Variants in PMEPA1 observed in about 807,000 individuals in gnomAD.
PMEPA1 encodes prostate transmembrane protein, androgen induced 1, also known as protein TMEPAI.
In PMEPA1, 11 loss-of-function variants were observed where a neutral mutation model predicts 23.0. The ratio of observed to expected loss-of-function variants is 0.48; its 90% CI spans 0.30 to 0.79. The LOEUF is 0.79. Ranked by LOEUF, PMEPA1 falls within the 30% of genes least tolerant of loss-of-function variation. The probability of loss-of-function intolerance (pLI) is 0.06; values close to 1 mark genes in which losing one functional copy is unlikely to be tolerated. For synonymous variants in PMEPA1, 204 were observed against 166.4 expected, an observed-to-expected ratio of 1.23 and a Z score of -1.74; for missense variants, 377 against 390.9, an observed-to-expected ratio of 0.96 and a Z score of 0.30.
chr20:57,669,409 C>A (rs547471952), intron 1 of PMEPA1, among the ~76,000 whole-genome samples: 1 of 152,288 alleles, frequency 6.6e-6, no homozygotes, highest in Admixed American at 6.5e-5. Context: ...GATCCACCCA[C>A]CTCGGCCTCC....
In PMEPA1 at chr20:57,652,114, G is replaced by A. The variant is rs148829733; in HGVS notation, c.803C>T (p.Pro268Leu). 2.8e-3 allele frequency: 4,470 copies of A among 1,582,900 alleles called. 15 individuals are homozygous for A. Among genetic ancestry groups the A allele is most frequent in the Middle Eastern group, 9.7e-3 (58 of 5,998 alleles). ...GTRLHHTHIA[P>L]LESAAIWSKE... ...GCTCCAGATGGCTGCGCTCTCTAGG[G>A]GCGCGATGTGTGTGTGGTGGAGCCG... is the stretch of plus-strand genomic sequence containing the variant. Residue 268 changes from proline (P) to leucine (L), a missense_variant, in exon 4 of 4, where the codon CCC becomes CTC. Physicochemically the swap from Pro to Leu is moderately conservative, Grantham distance 98 (BLOSUM62 -3). Coordinates refer to ENST00000341744, the MANE Select transcript of PMEPA1 (RefSeq NM_020182.5). This position sits in a 1 kb window ranked among gnomAD's most constrained non-coding sequence, Gnocchi z 6.1.
At chr20:57,696,308 C>A (rs59666207) in intron 1 of PMEPA1, among the ~76,000 whole-genome samples, 2 of 152,150 alleles carry the variant, frequency 1.3e-5, no homozygotes, top group East Asian at 3.9e-4. Context: ...TGAGCCTGGG[C>A]GCCCCTGGGG....
At chr20:57,696,510 G>C (rs767461885) in intron 1 of PMEPA1, among the ~76,000 whole-genome samples, 8 of 152,198 alleles carry the variant, frequency 5.3e-5, no homozygotes, top group Non-Finnish European at 1.0e-4. Flanking sequence ...CCATGCGATG[G>C]GGTTGCCATG....
At chr20:57,675,698 C>T (rs142572667) in intron 1 of PMEPA1, among the ~76,000 whole-genome samples, 4 of 152,330 alleles carry the variant, frequency 2.6e-5, no homozygotes, top group South Asian at 4.1e-4. Flanking sequence ...AGGGCGACCT[C>T]GCTAGAGAGG....
intron 2 of PMEPA1, among the ~76,000 whole-genome samples, chr20:57,654,408 G>A (rs1435666367): frequency 6.6e-6 from 1 of 152,102 alleles, no homozygotes; most frequent in African/African-American, 2.4e-5. Flanking sequence ...CCGCTCACCT[G>A]CAGCCTGGGT....
In PMEPA1 at chr20:57,658,990, C is replaced by T. The variant is rs189164311; in HGVS notation, c.264+553G>A. On this transcript the variant is annotated intron_variant, in intron 2 of 3. Transcript: ENST00000341744. ...TGTGCTGCCTGCCCCAGGTGCCTCCCTGCTTTCAGCCTCATCTCTCTAGGT... is the reference window on the plus strand; with the variant it reads ...TGTGCTGCCTGCCCCAGGTGCCTCCTTGCTTTCAGCCTCATCTCTCTAGGT... Among the ~76,000 whole-genome samples the T allele has an allele frequency of 1.4e-3, 210 of 152,346 alleles. 1 individual carries two copies. The highest frequency in any genetic ancestry group is 5.6e-4 in the Non-Finnish European group (38 of 68,018).
At chr20:57,694,209 G>A (rs1439121781) in intron 1 of PMEPA1, among the ~76,000 whole-genome samples, 1 of 152,196 alleles carries the variant, frequency 6.6e-6, no homozygotes, top group Admixed American at 6.5e-5. Context: ...ATCTGTAACT[G>A]CTGATTAAAG....
chr20:57,677,664 T>C (rs1312352877), intron 1 of PMEPA1, among the ~76,000 whole-genome samples: 1 of 152,208 alleles, frequency 6.6e-6, no homozygotes, highest in African/African-American at 2.4e-5. Flanking sequence ...ACCCAGCAAT[T>C]GCACTCCTGG....
intron 1 of PMEPA1, among the ~76,000 whole-genome samples, chr20:57,662,888 G>A (rs1027552623): frequency 3.9e-5 from 6 of 152,204 alleles, no homozygotes; most frequent in African/African-American, 1.4e-4. Context: ...AGACAGCAGT[G>A]AGACGGTAGC....
intron 1 of PMEPA1, among the ~76,000 whole-genome samples, chr20:57,664,713 C>T (rs757902077): frequency 7.9e-5 from 12 of 152,178 alleles, no homozygotes; most frequent in South Asian, 2.1e-4. Context: ...GAAGGCCCAG[C>T]GCGGCCGCAT....
Position 57,681,473 on chromosome 20 carries a change from C to T in PMEPA1, c.110-21776G>A, listed in dbSNP as rs975320217. Among the ~76,000 whole-genome samples the T allele has an allele frequency of 7.2e-5, 11 of 152,282 alleles. No homozygotes were observed. In the South Asian group the frequency reaches 1.9e-3, roughly 26 times the overall value. ...TCTCTAGGGTGTCCCCTGCCTGAGA[C>T]GACCGTGAGGATGGTGTGGCGCTGC... On this transcript the variant is annotated intron_variant, in intron 1 of 3. Coordinates refer to ENST00000341744, the MANE Select transcript of PMEPA1 (RefSeq NM_020182.5).
At position 57,683,769 on chromosome 20, in the gene PMEPA1, G is replaced by GA. The variant is rs1292353380; in HGVS notation, c.110-24073dup. On this transcript the variant is annotated intron_variant, in intron 1 of 3. Transcript: ENST00000341744. This position sits in a 1 kb window ranked among gnomAD's most constrained non-coding sequence, Gnocchi z 4.3. ...AGGCTTCCAGGCTGCCACCAAGAGG[G>GA]AAGGACTAGAGCCCAGCAGCTCTCA... is the stretch of plus-strand genomic sequence containing the variant. Among the ~76,000 whole-genome samples the GA allele has an allele frequency of 6.6e-6, 1 of 151,696 alleles. No homozygotes were observed. The highest frequency in any genetic ancestry group is 1.5e-5 in the Non-Finnish European group (1 of 67,962).
chr20:57,699,487 C>G (rs1026352462), intron 1 of PMEPA1, among the ~76,000 whole-genome samples: 25 of 152,188 alleles, frequency 1.6e-4, no homozygotes, highest in Admixed American at 1.6e-3. Flanking sequence ...TAGAAAGCGG[C>G]TGAGCTATGT....
chr20:57,690,413 A>C lies in PMEPA1; in HGVS notation c.109+19061T>G, dbSNP rs1411887215. ...ACTTACCTCCATGTGCTGGAATTGC[A>C]GGCATTTTGACTTTTCGCCTGTCAT... On this transcript the variant is annotated intron_variant, in intron 1 of 3. Coordinates refer to ENST00000341744, the MANE Select transcript of PMEPA1 (RefSeq NM_020182.5). The C allele has an allele frequency of 4.6e-6, 6 of 1,302,122 alleles. No homozygotes were observed. In the African/African-American group the frequency reaches 9.1e-5, roughly 20 times the overall value. 80.7% of individuals were successfully genotyped at this position (1,302,122 alleles called of 1,614,324 possible). A position where few individuals can be genotyped will look rare whatever the true frequency, so the allele number is the denominator to read the frequency against.
In PMEPA1 at chr20:57,648,540, C is replaced by T. The variant is rs555275312; in HGVS notation, c.*3513G>A. 6.6e-6 allele frequency: 1 copy of T among 152,640 alleles called. No individual in the cohort carries two copies. Among genetic ancestry groups the T allele is most frequent in the African/African-American group, 2.4e-5 (1 of 41,448 alleles). 9.5% of individuals were successfully genotyped at this position (152,640 alleles called of 1,614,324 possible). ...AATACAGAGTCTTACGCAGCGGGGA[C>T]GTGGGTGCGCGCCCCGCATGCCACG... is the stretch of plus-strand genomic sequence containing the variant. On this transcript the variant is annotated 3_prime_UTR_variant, in exon 4 of 4. Coordinates refer to ENST00000341744, the MANE Select transcript of PMEPA1 (RefSeq NM_020182.5).
chr20:57,692,437 CAG>C (rs2071894639), intron 1 of PMEPA1, among the ~76,000 whole-genome samples: 3 of 152,250 alleles, frequency 2.0e-5, no homozygotes. Context: ...GCGGCCCAGA[CAG>C]GGGAGCGAAG....
rs1007635472 is a variant in PMEPA1, at chr20:57,704,701, G to A, written c.109+4773C>T. Among the ~76,000 whole-genome samples the A allele has an allele frequency of 3.3e-5, 5 of 152,186 alleles. No homozygotes were observed. Among genetic ancestry groups the A allele is most frequent in the African/African-American group, 1.2e-4 (5 of 41,458 alleles). On this transcript the variant is annotated intron_variant, in intron 1 of 3. Transcript: ENST00000341744. This position sits in a 1 kb window ranked among gnomAD's most constrained non-coding sequence, Gnocchi z 4.6. ...AGCACCTTCCTCCAAACATTTTCTG[G>A]CTTTTAAACTATTGACCGGACTATA...
chr20:57,662,146 C>T (rs866081064), intron 1 of PMEPA1, among the ~76,000 whole-genome samples: 3 of 152,190 alleles, frequency 2.0e-5, no homozygotes, highest in African/African-American at 7.2e-5. Flanking sequence ...GAACATGTGG[C>T]GATGTCTGGA....
rs1349591561 is a variant in PMEPA1 at position 57,649,446 on chromosome 20, A to G, written c.*2607T>C. The G allele has an allele frequency of 3.3e-5, 5 of 152,260 alleles. No individual in the cohort carries two copies. Among genetic ancestry groups the G allele is most frequent in the African/African-American group, 1.2e-4 (5 of 41,444 alleles). 9.4% of individuals were successfully genotyped at this position (152,260 alleles called of 1,614,324 possible). A position where few individuals can be genotyped will look rare whatever the true frequency, so the allele number is the denominator to read the frequency against. Reference sequence around the variant, plus strand: ...CACTGGGCTTCAACACTGAGTTGTCATGAGAGGGACAGGCTCTGTCCTCAA... The same window carrying G: ...CACTGGGCTTCAACACTGAGTTGTCGTGAGAGGGACAGGCTCTGTCCTCAA... On this transcript the variant is annotated 3_prime_UTR_variant, in exon 4 of 4. Transcript: ENST00000341744.
Sources: allele counts gnomAD v4.1 joint callset (sites outside exome capture counted in the v4.1 genomes callset), GRCh38; gene constraint gnomAD v4.1.1; non-coding constraint Gnocchi (gnomAD v3.1); transcripts MANE v1.5; gene names NCBI Gene and HGNC (gene_info 2026-07-23, HGNC 2026-07-21).